Variants in TSHZ2 observed in about 807,000 individuals in gnomAD.
TSHZ2 encodes teashirt homolog 2.
In TSHZ2, 21 loss-of-function variants were observed where a neutral mutation model predicts 74.4. The observed-to-expected ratio is 0.28, with a 90% confidence interval of 0.20 to 0.41. The LOEUF is 0.41. Among genes scored for constraint, TSHZ2 ranks in the 10% least tolerant of loss-of-function variants. The pLI is 1.00. For synonymous variants in TSHZ2, 540 were observed against 515.3 expected, an observed-to-expected ratio of 1.05 and a Z score of -0.65; for missense variants, 1,244 against 1,293.5, an observed-to-expected ratio of 0.96 and a Z score of 0.59.
At chr20:53,294,345 G>A (rs1392372204) in intron 2 of TSHZ2, among the ~76,000 whole-genome samples, 1 of 152,152 alleles carries the variant, frequency 6.6e-6, no homozygotes, top group Non-Finnish European at 1.5e-5. Flanking sequence ...AAGTCCTAAT[G>A]TCTTATGCCT....
intron 1 of TSHZ2, among the ~76,000 whole-genome samples, chr20:53,070,053 GTCTTT>G (rs1484864572): frequency 6.6e-6 from 1 of 152,118 alleles, no homozygotes; most frequent in Non-Finnish European, 1.5e-5. Context: ...AAAATTATTT[GTCTTT>G]TCTTCTTTTG....
intron 2 of TSHZ2, among the ~76,000 whole-genome samples, chr20:53,268,763 A>T (rs1415385841): frequency 6.6e-6 from 1 of 152,218 alleles, no homozygotes; most frequent in African/African-American, 2.4e-5. Context: ...TGAGGGTTTT[A>T]ACCCCGCATT....
chr20:53,209,896 C>A (rs1989259378), intron 1 of TSHZ2, among the ~76,000 whole-genome samples: 1 of 140,606 alleles, frequency 7.1e-6, no homozygotes, highest in Non-Finnish European at 1.5e-5. Context: ...ACGACAGATT[C>A]TTCCCTGTTC....
chr20:53,446,221 A>T (rs894102499), intron 2 of TSHZ2, among the ~76,000 whole-genome samples: 14 of 152,056 alleles, frequency 9.2e-5, no homozygotes, highest in Non-Finnish European at 1.9e-4. Flanking sequence ...TGGAGGATGA[A>T]AGAGCTATCC....
chr20:53,289,783 C>A (rs1600792163), intron 2 of TSHZ2, among the ~76,000 whole-genome samples: 1 of 152,048 alleles, frequency 6.6e-6, no homozygotes, highest in Non-Finnish European at 1.5e-5. Context: ...ATTCTGATGG[C>A]AATTAGCTAA....
chr20:53,358,427 G>C (rs370088014), intron 2 of TSHZ2, among the ~76,000 whole-genome samples: 1 of 127,898 alleles, frequency 7.8e-6, no homozygotes, highest in Non-Finnish European at 1.6e-5. Flanking sequence ...GGCAACTTCC[G>C]CCACTCAGGT....
chr20:53,269,722 C>T (rs1990793418), intron 2 of TSHZ2, among the ~76,000 whole-genome samples: 1 of 151,870 alleles, frequency 6.6e-6, no homozygotes, highest in Non-Finnish European at 1.5e-5. Flanking sequence ...GGGTGCAGCG[C>T]ACCAGCATGG....
intron 1 of TSHZ2, among the ~76,000 whole-genome samples, chr20:53,212,794 C>T (rs1356328230): frequency 1.3e-5 from 2 of 152,180 alleles, no homozygotes; most frequent in Admixed American, 1.3e-4. Flanking sequence ...GTACTGCTTT[C>T]TCCTGGTGGT....
intron 1 of TSHZ2, among the ~76,000 whole-genome samples, chr20:53,015,897 A>C (rs974923002): frequency 2.0e-5 from 3 of 152,134 alleles, no homozygotes; most frequent in Non-Finnish European, 4.4e-5. Context: ...TAAGGGCAGC[A>C]CCTATCTGTG....
chr20:53,326,347 C>A (rs886700951), intron 2 of TSHZ2, among the ~76,000 whole-genome samples: 1 of 152,204 alleles, frequency 6.6e-6, no homozygotes, highest in African/African-American at 2.4e-5. Context: ...AAGACAGGGA[C>A]TTCTATCCTG....
chr20:53,111,399 A>G (rs1337602300), intron 1 of TSHZ2, among the ~76,000 whole-genome samples: 7 of 152,160 alleles, frequency 4.6e-5, no homozygotes, highest in Admixed American at 2.6e-4. Flanking sequence ...ACAAAAGTTT[A>G]TTTCTTGGTC....
At chr20:53,249,674 C>T (rs930538436) in intron 1 of TSHZ2, among the ~76,000 whole-genome samples, 3 of 152,012 alleles carry the variant, frequency 2.0e-5, no homozygotes, top group African/African-American at 7.3e-5. Context: ...GAAGGATTGG[C>T]GGGGTCAAGG....
chr20:53,340,126 G>A (rs1022935786), intron 2 of TSHZ2, among the ~76,000 whole-genome samples: 2 of 151,562 alleles, frequency 1.3e-5, no homozygotes, highest in Non-Finnish European at 1.5e-5. Flanking sequence ...CTGGTGGGGG[G>A]AAGAGCAGCC....
chr20:53,079,823 GTTTT>G (rs11086412), intron 1 of TSHZ2, among the ~76,000 whole-genome samples: 1 of 149,642 alleles, frequency 6.7e-6, no homozygotes, highest in Non-Finnish European at 1.5e-5. Context: ...TTCTTTTTCT[GTTTT>G]TTTTTTCTTT....
chr20:53,111,864 C>T (rs1263675156), intron 1 of TSHZ2, among the ~76,000 whole-genome samples: 1 of 151,206 alleles, frequency 6.6e-6, no homozygotes, highest in Admixed American at 6.6e-5. Flanking sequence ...GCTCTGGTAC[C>T]TGATGCAGAG....
At chr20:53,009,208 T>A (rs1428697512) in intron 1 of TSHZ2, among the ~76,000 whole-genome samples, 1 of 151,976 alleles carries the variant, frequency 6.6e-6, no homozygotes. Context: ...CATGGTGGCA[T>A]GTGCCTGTGA....
At chr20:53,081,140 C>T (rs922905374) in intron 1 of TSHZ2, among the ~76,000 whole-genome samples, 3 of 152,156 alleles carry the variant, frequency 2.0e-5, no homozygotes, top group African/African-American at 7.2e-5. Context: ...CTCAGCCTCC[C>T]AAGTATCTGG....
chr20:53,389,762 T>G (rs1326771513), intron 2 of TSHZ2, among the ~76,000 whole-genome samples: 1 of 152,204 alleles, frequency 6.6e-6, no homozygotes, highest in Non-Finnish European at 1.5e-5. Context: ...ACATGTTGGT[T>G]GTCACAGTTA....
At chr20:53,396,497 C>T (rs557437056) in intron 2 of TSHZ2, among the ~76,000 whole-genome samples, 1 of 152,182 alleles carries the variant, frequency 6.6e-6, no homozygotes, top group East Asian at 1.9e-4. Context: ...CAAGGAACCT[C>T]CAGAGACACC....
Sources: allele counts gnomAD v4.1 joint callset (sites outside exome capture counted in the v4.1 genomes callset), GRCh38; gene constraint gnomAD v4.1.1; transcripts MANE v1.5; gene names NCBI Gene and HGNC (gene_info 2026-07-23, HGNC 2026-07-21).